CCSER1: variants seen among roughly 807,000 people sequenced by gnomAD.
CCSER1 encodes coiled-coil serine rich protein 1.
Under a neutral mutation model 82.0 loss-of-function variants are expected in CCSER1, and 41 were observed. The observed-to-expected ratio is 0.50, with a 90% CI of 0.39 to 0.65. CCSER1 has a LOEUF of 0.65. Among genes scored for constraint, CCSER1 ranks in the 30% least tolerant of loss-of-function variants. The pLI, the probability that CCSER1 is intolerant of heterozygous loss-of-function variation, is 0.00. For synonymous variants in CCSER1, 414 were observed against 383.9 expected, an observed-to-expected ratio of 1.08 and a Z score of -0.92; for missense variants, 1,119 against 1,064.2, an observed-to-expected ratio of 1.05 and a Z score of -0.72.
chr4:91,543,245 C>T (rs1365967839), intron 10 of CCSER1, among the ~76,000 whole-genome samples: 1 of 152,158 alleles, frequency 6.6e-6, no homozygotes, highest in Non-Finnish European at 1.5e-5. Flanking sequence ...TGGGTCTTGA[C>T]TCTTTATCCA....
intron 10 of CCSER1, among the ~76,000 whole-genome samples, chr4:91,259,959 G>A (rs539779854): frequency 1.8e-4 from 27 of 152,236 alleles, no homozygotes; most frequent in Middle Eastern, 3.4e-3. Flanking sequence ...TTTGGGAAAG[G>A]AATCTGTTGC....
intron 10 of CCSER1, among the ~76,000 whole-genome samples, chr4:91,526,109 T>A (rs1042984105): frequency 6.6e-6 from 1 of 152,144 alleles, no homozygotes. Flanking sequence ...CAGGAGATAA[T>A]CAACTAAGAG....
intron 9 of CCSER1, among the ~76,000 whole-genome samples, chr4:90,926,003 A>G (rs1370878925): frequency 6.6e-6 from 1 of 152,062 alleles, no homozygotes; most frequent in Non-Finnish European, 1.5e-5. Flanking sequence ...TAAGTAAAAC[A>G]CTTTCAGTAT....
At chr4:91,582,265 A>G (rs1578849088) in intron 10 of CCSER1, among the ~76,000 whole-genome samples, 1 of 151,580 alleles carries the variant, frequency 6.6e-6, no homozygotes, top group South Asian at 2.1e-4. Flanking sequence ...AGATAACTGT[A>G]CCTGACCTAC....
chr4:90,332,689 A>G (rs1259262083), intron 3 of CCSER1, among the ~76,000 whole-genome samples: 8 of 152,090 alleles, frequency 5.3e-5, no homozygotes, highest in Non-Finnish European at 7.4e-5. Context: ...AAACAAACAT[A>G]TATTATCTAT....
intron 10 of CCSER1, among the ~76,000 whole-genome samples, chr4:91,569,185 G>A (rs1168086994): frequency 6.6e-6 from 1 of 152,150 alleles, no homozygotes; most frequent in African/African-American, 2.4e-5. Context: ...TGAGTTGGTA[G>A]ACCCTTGTTT....
chr4:90,232,762 C>CA (rs1233057249), intron 1 of CCSER1, among the ~76,000 whole-genome samples: 5 of 148,970 alleles, frequency 3.4e-5, no homozygotes, highest in Admixed American at 1.3e-4. Flanking sequence ...ACAATGAACT[C>CA]AAACAAATTT....
In CCSER1 at chr4:90,932,986, A is replaced by AAG. The variant is rs1207260853; in HGVS notation, c.2172+9541_2172+9542dup. On this transcript the variant is annotated intron_variant, in intron 9 of 10. Transcript: ENST00000509176. ...AGAAAGAAAGAAAGAAAGAAAGAGA[A>AAG]AGAAAGAAAGAAAGAAAGAAAGAAA... is the stretch of plus-strand genomic sequence containing the variant. 1.1e-3 allele frequency among the ~76,000 whole-genome samples: 32 copies of AAG among 29,126 alleles called. 3 individuals carry two copies. Among genetic ancestry groups the AAG allele is most frequent in the South Asian group, 1.7e-3 (2 of 1,166 alleles). The allele number at this position is 29,126 out of a possible 152,430, so 19.1% of individuals were successfully genotyped here.
intron 5 of CCSER1, among the ~76,000 whole-genome samples, chr4:90,485,538 C>A (rs1240925713): frequency 7.2e-6 from 1 of 138,912 alleles, no homozygotes; most frequent in African/African-American, 2.6e-5. Context: ...CCCAATTTAA[C>A]TTTTATTTAA....
rs141364960 is a variant in CCSER1, at chr4:90,166,967, T to C, written c.-42+39136T>C. On this transcript the variant is annotated intron_variant, in intron 1 of 10. Coordinates refer to ENST00000509176, the MANE Select transcript of CCSER1 (RefSeq NM_001145065.2). ...TTTTAATTCTTGAGATAATTGCTTG[T>C]TGGAAGTATCAATTTAGTGAAATTC... Among the ~76,000 whole-genome samples, 928 of 152,146 alleles carry C rather than the reference T, an allele frequency of 6.1e-3. 5 individuals carry two copies. The highest frequency in any genetic ancestry group is 0.019 in the African/African-American group (807 of 41,570).
chr4:90,913,757 C>T (rs1013028456), intron 8 of CCSER1, among the ~76,000 whole-genome samples: 1 of 151,970 alleles, frequency 6.6e-6, no homozygotes. Flanking sequence ...ATCTCACGTG[C>T]AGAGACACAG....
At chr4:90,164,682 G>A (rs950625212) in intron 1 of CCSER1, among the ~76,000 whole-genome samples, 2 of 152,114 alleles carry the variant, frequency 1.3e-5, no homozygotes, top group Non-Finnish European at 2.9e-5. Context: ...CAGAAAGGGA[G>A]AGAAAAGAGA....
chr4:90,651,632 A>C (rs1040923571), intron 6 of CCSER1, among the ~76,000 whole-genome samples: 4 of 152,048 alleles, frequency 2.6e-5, no homozygotes, highest in Non-Finnish European at 5.9e-5. Flanking sequence ...GCACGTGTAT[A>C]CCTACGTAAC....
intron 5 of CCSER1, among the ~76,000 whole-genome samples, chr4:90,472,411 A>C (rs973485422): frequency 6.6e-6 from 1 of 152,166 alleles, no homozygotes. Context: ...TCATGTATTT[A>C]TTAGTTTTTA....
intron 10 of CCSER1, among the ~76,000 whole-genome samples, chr4:91,313,344 C>T (rs1038369343): frequency 6.6e-6 from 1 of 151,742 alleles, no homozygotes; most frequent in Non-Finnish European, 1.5e-5. Context: ...CCCTTGGCTT[C>T]CTTGGCCCTT....
At chr4:90,618,203 G>A (rs1033004639) in intron 5 of CCSER1, among the ~76,000 whole-genome samples, 2 of 152,010 alleles carry the variant, frequency 1.3e-5, no homozygotes, top group African/African-American at 2.4e-5. Flanking sequence ...TAAGCACCAA[G>A]TCTTTACCTT....
At chr4:91,541,470 A>T (rs1761593683) in intron 10 of CCSER1, among the ~76,000 whole-genome samples, 1 of 152,148 alleles carries the variant, frequency 6.6e-6, no homozygotes, top group African/African-American at 2.4e-5. Flanking sequence ...GAGTGAGAAC[A>T]TGCGGTGTTT....
chr4:90,628,292 C>A, intron 6 of CCSER1, 60 bp downstream of exon 6: 1 of 1,347,678 alleles, frequency 7.4e-7, no homozygotes, highest in Non-Finnish European at 1.1e-6. Context: ...AGTCTGCAGA[C>A]GTGGTTAGAC....
chr4:91,444,039 C>G (rs1337999082), intron 10 of CCSER1, among the ~76,000 whole-genome samples: 1 of 151,970 alleles, frequency 6.6e-6, no homozygotes, highest in East Asian at 1.9e-4. Context: ...TACATTTTGT[C>G]TCATTCAACT....
Sources: gnomAD v4.1 joint callset for allele counts (sites outside exome capture counted in the v4.1 genomes callset) on GRCh38, gnomAD v4.1.1 for gene constraint, MANE v1.5 for transcripts, NCBI Gene and HGNC (gene_info 2026-07-23, HGNC 2026-07-21) for gene names.